The following SLC44A1 variants were observed in gnomAD, a reference collection of about 807,000 sequenced individuals.
The protein encoded by SLC44A1 is choline transporter-like protein 1.
Under a neutral mutation model 79.3 loss-of-function variants are expected in SLC44A1, and 26 were observed. The observed-to-expected ratio is 0.33, with a 90% confidence interval of 0.24 to 0.46. SLC44A1 has a LOEUF of 0.46. Among genes scored for constraint, SLC44A1 ranks in the 20% least tolerant of loss-of-function variants. The pLI is 1.00. For missense variants in SLC44A1, 688 were observed against 798.1 expected (o/e 0.86, Z 1.66); for synonymous variants, 263 against 286.2 (o/e 0.92, Z 0.82).
chr9:105,301,309 A>G (rs1830873059), intron 2 of SLC44A1, among the ~76,000 whole-genome samples: 1 of 152,240 alleles, frequency 6.6e-6, no homozygotes, highest in Non-Finnish European at 1.5e-5. Context: ...AAACATTTTA[A>G]TGCAATGGTA....
chr9:105,368,899 G>A (rs1459839454), intron 12 of SLC44A1, among the ~76,000 whole-genome samples: 1 of 152,076 alleles, frequency 6.6e-6, no homozygotes, highest in Non-Finnish European at 1.5e-5. Context: ...TTAGCCAGGT[G>A]TGCTGGCTCG....
intron 15 of SLC44A1, among the ~76,000 whole-genome samples, chr9:105,428,537 C>T (rs979720666): frequency 2.6e-5 from 4 of 152,168 alleles, no homozygotes; most frequent in Non-Finnish European, 5.9e-5. Context: ...AGTTACTTAG[C>T]CCATCTAATT....
intron 4 of SLC44A1, among the ~76,000 whole-genome samples, chr9:105,338,847 T>C (rs1827001889): frequency 6.6e-6 from 1 of 152,228 alleles, no homozygotes; most frequent in Non-Finnish European, 1.5e-5. Context: ...GCCTCAAATA[T>C]ATAGACCTCA....
intron 2 of SLC44A1, among the ~76,000 whole-genome samples, chr9:105,307,500 T>C (rs1224260316): frequency 6.6e-6 from 1 of 152,040 alleles, no homozygotes; most frequent in East Asian, 1.9e-4. Context: ...AAAAATTAGC[T>C]GCATGTGGTG....
At chr9:105,386,329 T>C (rs1318593701) in intron 15 of SLC44A1, 1 of 940,508 alleles carries the variant, frequency 1.1e-6, no homozygotes, top group South Asian at 4.9e-5. Context: ...CGTATTTTTT[T>C]AAATAGCATG....
intron 4 of SLC44A1, among the ~76,000 whole-genome samples, chr9:105,336,151 T>A (rs1480176163): frequency 3.3e-5 from 5 of 151,974 alleles, no homozygotes; most frequent in Admixed American, 3.3e-4. Flanking sequence ...TGTGTGTGTG[T>A]GTGTGTGTGT....
downstream of SLC44A1, among the ~76,000 whole-genome samples, chr9:105,401,098 C>T (rs983282410): frequency 2.0e-5 from 3 of 152,200 alleles, no homozygotes; most frequent in African/African-American, 7.2e-5. Context: ...GTACATTCTA[C>T]AGAAGCTTGG....
chr9:105,362,579 T>C (rs1827814499), intron 8 of SLC44A1, among the ~76,000 whole-genome samples: 1 of 152,172 alleles, frequency 6.6e-6, no homozygotes, highest in African/African-American at 2.4e-5. Flanking sequence ...GGAAAAAAAT[T>C]CTAGAATGTA....
intron 8 of SLC44A1, among the ~76,000 whole-genome samples, chr9:105,361,831 T>C (rs368479119): frequency 3.3e-5 from 5 of 152,262 alleles, no homozygotes; most frequent in African/African-American, 1.2e-4. Flanking sequence ...AGTGGGAGGA[T>C]CACTTGAGCC....
At chr9:105,385,353 T>C in intron 14 of SLC44A1, 69 bp from the exon 15 acceptor site, 1 of 1,115,466 alleles carries the variant, frequency 9.0e-7, no homozygotes, top group Non-Finnish European at 1.3e-6. Flanking sequence ...GTAGATGTTC[T>C]TTAGAATTCA....
chr9:105,434,065 C>T (rs1303184284), intron 15 of SLC44A1, among the ~76,000 whole-genome samples: 4 of 152,110 alleles, frequency 2.6e-5, no homozygotes, highest in African/African-American at 4.8e-5. Flanking sequence ...TTAGGCTGGT[C>T]GGTGGCTCAT....
chr9:105,358,510 A>G, intron 7 of SLC44A1, 77 bp downstream of exon 7: 1 of 815,598 alleles, frequency 1.2e-6, no homozygotes, highest in Non-Finnish European at 2.1e-6. Flanking sequence ...AAAGAAGAAA[A>G]TAAATTATAT....
At chr9:105,438,164 C>T (rs1404031319) in intron 15 of SLC44A1, 1 of 769,624 alleles carries the variant, frequency 1.3e-6, no homozygotes, top group South Asian at 1.7e-5. Context: ...AGCCTTCTTA[C>T]ATTTCATAAT....
chr9:105,279,507 G>A (rs537345417), intron 1 of SLC44A1, among the ~76,000 whole-genome samples: 7 of 151,734 alleles, frequency 4.6e-5, no homozygotes, highest in Non-Finnish European at 8.8e-5. Context: ...TAGTAGAGAC[G>A]GGGTTTCACC....
At chr9:105,330,267 G>C (rs1045821457) in intron 3 of SLC44A1, among the ~76,000 whole-genome samples, 2 of 152,114 alleles carry the variant, frequency 1.3e-5, no homozygotes, top group African/African-American at 4.8e-5. Context: ...CTGACTTGCT[G>C]GTCTGTAACT....
rs542311118 is a variant in SLC44A1, at chr9:105,295,707, TA to T, written c.37-3507del. ...ATTGCTTTTTACTAACTAGTACAAATAAAAAATAGTCTTATTGGAATAGGCT... is the reference window on the plus strand; with the variant it reads ...ATTGCTTTTTACTAACTAGTACAAATAAAAATAGTCTTATTGGAATAGGCT... On this transcript the variant is annotated intron_variant, in intron 1 of 15. Transcript: ENST00000374720. 6.9e-4 allele frequency among the ~76,000 whole-genome samples: 103 copies of T among 150,264 alleles called. 4 individuals carry two copies. The Middle Eastern group carries it at 0.024, about 35-fold the overall frequency.
intron 12 of SLC44A1, among the ~76,000 whole-genome samples, chr9:105,370,282 C>T (rs1320312878): frequency 6.6e-6 from 1 of 152,226 alleles, no homozygotes; most frequent in Non-Finnish European, 1.5e-5. Flanking sequence ...GCACATTTTT[C>T]TTCCTGAAGA....
At chr9:105,256,508 G>A (rs1328330025) in intron 1 of SLC44A1, among the ~76,000 whole-genome samples, 1 of 151,168 alleles carries the variant, frequency 6.6e-6, no homozygotes, top group African/African-American at 2.4e-5. Context: ...TCTCCTTTTG[G>A]TTTCATTATG....
At chr9:105,426,992 G>A (rs184765642) in intron 15 of SLC44A1, among the ~76,000 whole-genome samples, 25 of 151,028 alleles carry the variant, frequency 1.7e-4, no homozygotes, top group African/African-American at 6.1e-4. Flanking sequence ...CTGGAGTACA[G>A]TGGTGCGATC....
Sources: allele counts gnomAD v4.1 joint callset (sites outside exome capture counted in the v4.1 genomes callset), GRCh38; gene constraint gnomAD v4.1.1; transcripts MANE v1.5; gene names NCBI Gene and HGNC (gene_info 2026-07-23, HGNC 2026-07-21).